HS2ST1: variants seen among roughly 807,000 people sequenced by gnomAD.
HS2ST1 encodes the protein heparan sulfate 2-O-sulfotransferase 1.
HS2ST1 carries 18 observed loss-of-function variants against 42.9 expected under a neutral mutation model. The ratio of observed to expected loss-of-function variants is 0.42; its 90% CI spans 0.29 to 0.62. The LOEUF is 0.62. Ranked by LOEUF, HS2ST1 falls within the 20% of genes least tolerant of loss-of-function variation. The pLI, the probability that HS2ST1 is intolerant of heterozygous loss-of-function variation, is 0.21. For synonymous variants in HS2ST1, 146 were observed against 152.9 expected, an observed-to-expected ratio of 0.95 and a Z score of 0.33; for missense variants, 334 against 433.8, an observed-to-expected ratio of 0.77 and a Z score of 2.04.
At chr1:86,976,467 A>G (rs1258382444) in intron 1 of HS2ST1, among the ~76,000 whole-genome samples, 1 of 152,080 alleles carries the variant, frequency 6.6e-6, no homozygotes, top group African/African-American at 2.4e-5. Context: ...AAGCTTTCAG[A>G]AACCATGGCT....
chr1:87,034,114 A>G (rs1650312336), intron 1 of HS2ST1, among the ~76,000 whole-genome samples: 1 of 152,194 alleles, frequency 6.6e-6, no homozygotes, highest in Admixed American at 6.5e-5. Flanking sequence ...AAATAAGTAG[A>G]CCATCTACCC....
intron 1 of HS2ST1, among the ~76,000 whole-genome samples, chr1:87,001,082 C>T (rs866820202): frequency 2.6e-5 from 4 of 152,238 alleles, no homozygotes; most frequent in Middle Eastern, 3.4e-3. Context: ...TTGTATATCA[C>T]TTTGAGAAAT....
chr1:86,914,899 T>TCGCTG lies in HS2ST1; in HGVS notation c.-135_-131dup. On this transcript the variant is annotated 5_prime_UTR_variant, in exon 1 of 7. Coordinates refer to ENST00000370550, the MANE Select transcript of HS2ST1 (RefSeq NM_012262.4). ...GGGACTGGAGAGGCGAGAAGGGGGG[T>TCGCTG]CGCTGCGGTGGTTCTCTCGCTGTCG... is the stretch of plus-strand genomic sequence containing the variant. 6 of 998,914 alleles carry TCGCTG rather than the reference T, an allele frequency of 6.0e-6. No individual in the cohort carries two copies. Among genetic ancestry groups the TCGCTG allele is most frequent in the Non-Finnish European group, 8.8e-6 (6 of 683,890 alleles). The allele number at this position is 998,914 out of a possible 1,614,324, so 61.9% of individuals were successfully genotyped here. A position where few individuals can be genotyped will look rare whatever the true frequency, so the allele number is the denominator to read the frequency against.
In HS2ST1 at chr1:87,084,281, TA is replaced by T; in HGVS notation, c.449+4del. 1 of 1,542,922 alleles carries T rather than the reference TA, an allele frequency of 6.5e-7. No homozygotes were observed. Among genetic ancestry groups the T allele is most frequent in the Non-Finnish European group, 8.9e-7 (1 of 1,120,382 alleles). Reference sequence around the variant, plus strand: ...CGTTTCTTACTTGGATTTTGCAAAGTAAGTTACACTGAAATGACACGCTAAA... The same window carrying T: ...CGTTTCTTACTTGGATTTTGCAAAGTAGTTACACTGAAATGACACGCTAAA... On this transcript the variant is annotated splice_donor_region_variant and intron_variant, in intron 3 of 6. Coordinates refer to ENST00000370550, the MANE Select transcript of HS2ST1 (RefSeq NM_012262.4).
At chr1:87,040,678 C>CAGTA (rs1225568834) in intron 1 of HS2ST1, among the ~76,000 whole-genome samples, 1 of 152,030 alleles carries the variant, frequency 6.6e-6, no homozygotes, top group East Asian at 1.9e-4. Context: ...AGAATGTTAG[C>CAGTA]AGTAGTAGAG....
intron 1 of HS2ST1, among the ~76,000 whole-genome samples, chr1:87,022,222 G>A (rs1649970886): frequency 6.6e-6 from 1 of 152,100 alleles, no homozygotes; most frequent in Admixed American, 6.6e-5. Flanking sequence ...AAAAATTCAA[G>A]TAAAATGCAA....
At chr1:87,052,260 ATTTT>A (rs145313341) in intron 1 of HS2ST1, among the ~76,000 whole-genome samples, 1 of 151,746 alleles carries the variant, frequency 6.6e-6, no homozygotes, top group African/African-American at 2.4e-5. Flanking sequence ...CTCAAAAAAA[ATTTT>A]TTTTTAACTC....
At chr1:87,071,103 A>G (rs991646871) in intron 1 of HS2ST1, among the ~76,000 whole-genome samples, 2 of 152,198 alleles carry the variant, frequency 1.3e-5, no homozygotes, top group African/African-American at 4.8e-5. Context: ...ACACATACGT[A>G]TATCTCTCAT....
chr1:86,928,276 G>T (rs1660464012), intron 1 of HS2ST1, among the ~76,000 whole-genome samples: 2 of 152,066 alleles, frequency 1.3e-5, no homozygotes, highest in East Asian at 1.9e-4. Context: ...ATATAGGCAG[G>T]AATATTAGAG....
intron 1 of HS2ST1, among the ~76,000 whole-genome samples, chr1:86,953,415 C>T (rs1214530064): frequency 2.0e-5 from 3 of 152,202 alleles, no homozygotes; most frequent in African/African-American, 7.2e-5. Flanking sequence ...CTCTTTGGCA[C>T]AAGAGTCCTA....
At chr1:86,945,884 C>A (rs906940600) in intron 1 of HS2ST1, among the ~76,000 whole-genome samples, 2 of 152,146 alleles carry the variant, frequency 1.3e-5, no homozygotes, top group Non-Finnish European at 2.9e-5. Flanking sequence ...CCCTGGGCAG[C>A]ATGGCAAAAC....
intron 1 of HS2ST1, among the ~76,000 whole-genome samples, chr1:87,047,420 G>T (rs1285707356): frequency 6.6e-6 from 1 of 151,790 alleles, no homozygotes; most frequent in East Asian, 1.9e-4. Flanking sequence ...TTTAATTTCA[G>T]TGAAGTCCAC....
intron 2 of HS2ST1, among the ~76,000 whole-genome samples, chr1:87,077,309 C>T (rs570063820): frequency 1.3e-5 from 2 of 152,144 alleles, no homozygotes; most frequent in African/African-American, 4.8e-5. Flanking sequence ...TAATCTAGCC[C>T]TTGTGTGCAC....
chr1:87,024,555 G>C (rs1297316520), intron 1 of HS2ST1, among the ~76,000 whole-genome samples: 1 of 151,482 alleles, frequency 6.6e-6, no homozygotes, highest in Non-Finnish European at 1.5e-5. Flanking sequence ...TTAGGTTTGA[G>C]TGCTCTGCCA....
chr1:86,948,354 T>C (rs1266172067), intron 1 of HS2ST1, among the ~76,000 whole-genome samples: 1 of 152,150 alleles, frequency 6.6e-6, no homozygotes, highest in Non-Finnish European at 1.5e-5. Context: ...ATGGGCATAA[T>C]CATAGTGTAC....
At chr1:87,057,221 T>G (rs1386407877) in intron 1 of HS2ST1, among the ~76,000 whole-genome samples, 4 of 152,226 alleles carry the variant, frequency 2.6e-5, no homozygotes, top group African/African-American at 9.7e-5. Flanking sequence ...TTCTCAATTT[T>G]AATTACTAAT....
intron 1 of HS2ST1, among the ~76,000 whole-genome samples, chr1:86,957,150 A>G (rs977020500): frequency 6.6e-6 from 1 of 152,224 alleles, no homozygotes; most frequent in African/African-American, 2.4e-5. Context: ...TCTAAGTTTC[A>G]GGACATTTAT....
At position 87,101,153 on chromosome 1, in the gene HS2ST1, TTTG is replaced by T. The variant is rs368433599; in HGVS notation, c.687-2276_687-2274del. 3.7e-3 allele frequency among the ~76,000 whole-genome samples: 317 copies of T among 85,846 alleles called. 69 individuals carry two copies. The highest frequency in any genetic ancestry group is 0.014 in the African/African-American group (257 of 18,052). 56.3% of individuals were successfully genotyped at this position (85,846 alleles called of 152,430 possible). A position where few individuals can be genotyped will look rare whatever the true frequency, so the allele number is the denominator to read the frequency against. On this transcript the variant is annotated intron_variant, in intron 5 of 6. Coordinates refer to ENST00000370550, the MANE Select transcript of HS2ST1 (RefSeq NM_012262.4). ...CACTTTTGTGTGTGTGTGTGTGTTT[TTTG>T]TTTTTTTTTTTTTTTTTTTTTTTTT...
At chr1:87,089,910 G>T (rs1651900382) in intron 3 of HS2ST1, among the ~76,000 whole-genome samples, 1 of 152,012 alleles carries the variant, frequency 6.6e-6, no homozygotes, top group African/African-American at 2.4e-5. Context: ...CTAGGGGAAA[G>T]GAGGAAACAT....
Sources: allele counts gnomAD v4.1 joint callset (sites outside exome capture counted in the v4.1 genomes callset), GRCh38; gene constraint gnomAD v4.1.1; transcripts MANE v1.5; gene names NCBI Gene and HGNC (gene_info 2026-07-23, HGNC 2026-07-21).